PM20D2: variants seen among roughly 807,000 people sequenced by gnomAD.
The protein encoded by PM20D2 is peptidase M20 domain containing 2.
Under a neutral mutation model 42.9 loss-of-function variants are expected in PM20D2, and 33 were observed. The ratio of observed to expected loss-of-function variants is 0.77; its 90% CI spans 0.58 to 1.03. PM20D2 has a LOEUF of 1.03. PM20D2 is among the 50% of genes least tolerant of loss of function. PM20D2 has a pLI of 0.00. For synonymous variants in PM20D2, 250 were observed against 228.2 expected (o/e 1.10, Z -0.86); for missense variants, 548 against 557.0 (o/e 0.98, Z 0.16).
chr6:89,141,958 C>A (rs1330056747), upstream of PM20D2, among the ~76,000 whole-genome samples: 1 of 102,298 alleles, frequency 9.8e-6, no homozygotes, highest in East Asian at 2.7e-4. Context: ...TGTGTGCCAC[C>A]ATGCTTGGCT....
the PM20D2 span, among the ~76,000 whole-genome samples, chr6:89,111,109 C>T: frequency 1.5e-4 from 18 of 120,724 alleles, no homozygotes; most frequent in African/African-American, 5.5e-4. Context: ...TGAGACTTGT[C>T]TTTTTTTTTT....
chr6:89,152,125 T>C (rs1218968835), intron 2 of PM20D2, among the ~76,000 whole-genome samples: 1 of 151,794 alleles, frequency 6.6e-6, no homozygotes, highest in Non-Finnish European at 1.5e-5. Flanking sequence ...AAGGTCATGG[T>C]GATAAGATAT....
At chr6:89,135,612 C>T in the PM20D2 span, among the ~76,000 whole-genome samples, 1 of 151,174 alleles carries the variant, frequency 6.6e-6, no homozygotes, top group Non-Finnish European at 1.5e-5. Flanking sequence ...GACATGTTAT[C>T]AGCCTTCATC....
chr6:89,131,749 TC>T, the PM20D2 span, among the ~76,000 whole-genome samples: 1 of 152,062 alleles, frequency 6.6e-6, no homozygotes, highest in Non-Finnish European at 1.5e-5. Context: ...CTCAGGCTGG[TC>T]CTTGGGAAGC....
chr6:89,100,807 C>A, the PM20D2 span, among the ~76,000 whole-genome samples: 1 of 151,950 alleles, frequency 6.6e-6, no homozygotes, highest in Non-Finnish European at 1.5e-5. Flanking sequence ...CTAGATATAG[C>A]AGAAGAAATA....
the PM20D2 span, among the ~76,000 whole-genome samples, chr6:89,108,664 G>A: frequency 6.6e-6 from 1 of 152,176 alleles, no homozygotes; most frequent in African/African-American, 2.4e-5. Context: ...AATTAGAAGA[G>A]AGCTAGATCA....
At chr6:89,131,552 GA>G in the PM20D2 span, among the ~76,000 whole-genome samples, 1 of 151,798 alleles carries the variant, frequency 6.6e-6, no homozygotes, top group Non-Finnish European at 1.5e-5. Context: ...ATAATTAATT[GA>G]ACCTATCCTT....
intron 5 of PM20D2, among the ~76,000 whole-genome samples, chr6:89,160,242 G>T (rs1309268577): frequency 6.6e-6 from 1 of 152,128 alleles, no homozygotes; most frequent in Non-Finnish European, 1.5e-5. Context: ...TTCTATAGAG[G>T]CTACTATGCC....
upstream of PM20D2, among the ~76,000 whole-genome samples, chr6:89,142,950 G>GCC (rs1263133720): frequency 6.6e-6 from 1 of 152,092 alleles, no homozygotes. Context: ...GCGCCACCGC[G>GCC]CCCGGCCCCC....
chr6:89,163,856 C>T lies in PM20D2; in HGVS notation c.*1593C>T, dbSNP rs1255236687. The T allele has an allele frequency of 1.3e-5, 2 of 152,102 alleles. No homozygotes were observed. The highest frequency in any genetic ancestry group is 2.4e-5 in the African/African-American group (1 of 41,400). The allele number at this position is 152,102 out of a possible 1,614,324, so 9.4% of individuals were successfully genotyped here. A position where few individuals can be genotyped will look rare whatever the true frequency, so the allele number is the denominator to read the frequency against. ...CTTTTTCTCAAATACCAACTCTTGG[C>T]TATGTTAAATTTGTAGACTTTAAAA... On this transcript the variant is annotated 3_prime_UTR_variant, in exon 7 of 7. Coordinates refer to ENST00000275072, the MANE Select transcript of PM20D2 (RefSeq NM_001010853.3).
At chr6:89,103,813 T>C in the PM20D2 span, among the ~76,000 whole-genome samples, 1 of 152,200 alleles carries the variant, frequency 6.6e-6, no homozygotes, top group Non-Finnish European at 1.5e-5. Context: ...AATAAACTCC[T>C]GGCTAGCAAA....
chr6:89,109,829 C>T, the PM20D2 span, among the ~76,000 whole-genome samples: 3 of 152,196 alleles, frequency 2.0e-5, no homozygotes, highest in South Asian at 2.1e-4. Flanking sequence ...CGGTGGCTCA[C>T]GCTTGTAATC....
At chr6:89,097,393 A>G in the PM20D2 span, 5 of 152,258 alleles carry the variant, frequency 3.3e-5, no homozygotes, top group Non-Finnish European at 5.9e-5. Flanking sequence ...ATTATTAGTT[A>G]TAACAACTAC....
At chr6:89,107,104 A>T in the PM20D2 span, 2 of 1,438,926 alleles carry the variant, frequency 1.4e-6, no homozygotes, top group African/African-American at 2.8e-5. Context: ...ATATATGTAT[A>T]AGCACGCATA....
rs914077330 is a variant in PM20D2 at position 89,146,188 on chromosome 6, A to G, written c.44A>G (p.Asn15Ser). The G allele has an allele frequency of 6.5e-7, 1 of 1,542,754 alleles. No homozygotes were observed. Among genetic ancestry groups the G allele is most frequent in the Non-Finnish European group, 8.7e-7 (1 of 1,152,540 alleles). Residue 15 changes from asparagine to serine, a missense_variant, in exon 1 of 7, where the codon AAT becomes AGT. Transcript: ENST00000275072. ...GERPVEGGAC[N>S]GRSELELLKL... ...CGGCCCGTGGAAGGGGGCGCGTGCA[A>G]TGGCCGCTCCGAGCTGGAGCTACTG...
the PM20D2 span, among the ~76,000 whole-genome samples, chr6:89,094,324 G>A: frequency 4.9e-4 from 75 of 151,968 alleles, no homozygotes; most frequent in East Asian, 6.2e-3. Flanking sequence ...AGTTTCAAGC[G>A]ATTCTTCTGC....
chr6:89,161,419 A>G (rs890519472), intron 5 of PM20D2, among the ~76,000 whole-genome samples: 7 of 152,352 alleles, frequency 4.6e-5, no homozygotes, highest in Non-Finnish European at 1.0e-4. Flanking sequence ...AGGGGGCTCT[A>G]TCCCCAAGAG....
At chr6:89,109,100 C>T in the PM20D2 span, among the ~76,000 whole-genome samples, 1 of 152,172 alleles carries the variant, frequency 6.6e-6, no homozygotes, top group Non-Finnish European at 1.5e-5. Context: ...ACAATTCCTG[C>T]TCCCACAGAC....
the PM20D2 span, among the ~76,000 whole-genome samples, chr6:89,131,470 T>C: frequency 6.6e-6 from 1 of 151,754 alleles, no homozygotes; most frequent in Non-Finnish European, 1.5e-5. Context: ...GGAAGATAAT[T>C]TCAGCTCAGG....
Sources: allele counts gnomAD v4.1 joint callset (sites outside exome capture counted in the v4.1 genomes callset), GRCh38; gene constraint gnomAD v4.1.1; transcripts MANE v1.5; gene names NCBI Gene and HGNC (gene_info 2026-07-23, HGNC 2026-07-21).